FHL2: variants seen among roughly 807,000 people sequenced by gnomAD.
FHL2 encodes four and a half LIM domains 2.
In FHL2, 20 loss-of-function variants were observed where a neutral mutation model predicts 32.7. That is an observed-to-expected ratio of 0.61 (90% confidence interval 0.43 to 0.89). The LOEUF (loss-of-function observed/expected upper bound fraction) is 0.89, where lower values mean the gene tolerates loss of function less well. Ranked by LOEUF, FHL2 falls within the 40% of genes least tolerant of loss-of-function variation. The probability of loss-of-function intolerance (pLI) is 0.00; values close to 1 mark genes in which losing one functional copy is unlikely to be tolerated. For synonymous variants in FHL2, 123 were observed against 128.1 expected (o/e 0.96, Z 0.27); for missense variants, 311 against 358.6 (o/e 0.87, Z 1.07).
chr2:105,405,567 A>G (rs530511564), intron 1 of FHL2, among the ~76,000 whole-genome samples: 1 of 152,348 alleles, frequency 6.6e-6, no homozygotes, highest in Admixed American at 6.5e-5. Flanking sequence ...GTGAGCCACC[A>G]TGGCTGGCAA....
At chr2:105,368,679 G>C (rs768857274) in intron 4 of FHL2, among the ~76,000 whole-genome samples, 3 of 152,216 alleles carry the variant, frequency 2.0e-5, no homozygotes, top group Non-Finnish European at 4.4e-5. Flanking sequence ...CTCACTGCAA[G>C]TGCTCGGTGT....
chr2:105,432,081 TAGA>T (rs1205706748), intron 1 of FHL2, among the ~76,000 whole-genome samples: 1 of 152,226 alleles, frequency 6.6e-6, no homozygotes, highest in East Asian at 1.9e-4. Flanking sequence ...CTGTCTTAAT[TAGA>T]AGGTCCTCAT....
upstream of FHL2, chr2:105,399,204 G>T: frequency 6.8e-7 from 1 of 1,464,334 alleles, no homozygotes; most frequent in Non-Finnish European, 8.9e-7. Context: ...CCCGGGCTGC[G>T]GCGGTCCCGG....
At chr2:105,438,301 C>G in intron 1 of FHL2, 1 of 933,680 alleles carries the variant, frequency 1.1e-6, no homozygotes, top group South Asian at 4.9e-5. Context: ...TGGACACTCC[C>G]TCTGCATGCA....
At position 105,367,584 on chromosome 2, in the gene FHL2, C is replaced by T. The variant is rs753660280; in HGVS notation, c.487G>A (p.Val163Ile). ...ATCTGAGATACCTTTTTGCACTGAA[C>T]GCACTGCATGGCATGTTGTTTCTCA... ...CYEKQHAMQC[V>I]QCKKPITTGG... The change falls in exon 5 of 7, where the codon GTT becomes ATT. Residue 163 changes from valine (V) to isoleucine (I), a missense_variant. Val to Ile is a conservative substitution (Grantham distance 29). Transcript: ENST00000530340. 46 of 1,613,092 alleles carry T rather than the reference C, an allele frequency of 2.9e-5. No homozygotes were observed. The highest frequency in any genetic ancestry group is 3.3e-4 in the Middle Eastern group (2 of 6,070).
chr2:105,382,946 C>T (rs138588748), intron 3 of FHL2, among the ~76,000 whole-genome samples: 3 of 152,244 alleles, frequency 2.0e-5, no homozygotes, highest in East Asian at 3.9e-4. Context: ...AGTACAGTGG[C>T]GCAATCTTGG....
intron 2 of FHL2, among the ~76,000 whole-genome samples, chr2:105,389,023 C>A (rs1682529499): frequency 6.6e-6 from 1 of 152,218 alleles, no homozygotes; most frequent in Non-Finnish European, 1.5e-5. Flanking sequence ...ATTGCGTATA[C>A]ACGATCCTGA....
At chr2:105,398,778 C>A in intron 1 of FHL2, 64 bp downstream of exon 1, 2 of 1,307,552 alleles carry the variant, frequency 1.5e-6, no homozygotes, top group Non-Finnish European at 2.0e-6. Context: ...CGGCTTCTCC[C>A]CGCACGGTTC....
At chr2:105,395,513 C>T (rs1164646700) in intron 2 of FHL2, among the ~76,000 whole-genome samples, 1 of 152,192 alleles carries the variant, frequency 6.6e-6, no homozygotes, top group Non-Finnish European at 1.5e-5. Context: ...CAGCAGCTTC[C>T]ATGAATGACT....
rs1167853547 is a variant in FHL2 at position 105,389,514 on chromosome 2, A to G, written c.-24-2974T>C. Among the ~76,000 whole-genome samples the G allele has an allele frequency of 3.9e-5, 6 of 152,362 alleles. No individual in the cohort carries two copies. The East Asian group carries it at 7.7e-4, about 20-fold the overall frequency. On this transcript the variant is annotated intron_variant, in intron 2 of 6. Transcript: ENST00000530340. The stretch of plus-strand genomic sequence containing the variant: ...GAATAATAATTTGGGAATTTGAAAT[A>G]AGAACGATGAAAGGACAGAGAACTA...
intron 1 of FHL2, among the ~76,000 whole-genome samples, chr2:105,435,229 A>G (rs1488163536): frequency 1.3e-5 from 2 of 152,200 alleles, no homozygotes; most frequent in Admixed American, 1.3e-4. Flanking sequence ...TTATTTAACC[A>G]TACTTCACTT....
intron 1 of FHL2, among the ~76,000 whole-genome samples, chr2:105,421,752 T>A (rs1480455223): frequency 6.6e-6 from 1 of 152,224 alleles, no homozygotes; most frequent in Admixed American, 6.5e-5. Flanking sequence ...CCCAGCCTCA[T>A]GACACTGATA....
chr2:105,373,993 C>CTAAAAA, intron 3 of FHL2: 1 of 501,778 alleles, frequency 2.0e-6, no homozygotes, highest in Non-Finnish European at 3.6e-6. Flanking sequence ...AGAGATGCTT[C>CTAAAAA]TAAAAAACAA....
chr2:105,419,944 T>G (rs144019741), intron 1 of FHL2, among the ~76,000 whole-genome samples: 9 of 152,298 alleles, frequency 5.9e-5, no homozygotes, highest in African/African-American at 1.9e-4. Flanking sequence ...TGCATTGTCA[T>G]TAAGGGAAAG....
chr2:105,399,515 T>A (rs1683382512), upstream of FHL2: 1 of 1,536,034 alleles, frequency 6.5e-7, no homozygotes, highest in Non-Finnish European at 8.7e-7. Context: ...TGCAGATGCT[T>A]CTTTACGAAA....
intron 3 of FHL2, 52 bp downstream of exon 3, chr2:105,386,309 C>A: frequency 6.3e-7 from 1 of 1,591,280 alleles, no homozygotes; most frequent in South Asian, 1.1e-5. Flanking sequence ...CACAGAGAAA[C>A]CCGTGTTTCC....
At chr2:105,426,598 C>G (rs1052176636) in intron 1 of FHL2, among the ~76,000 whole-genome samples, 2 of 152,330 alleles carry the variant, frequency 1.3e-5, no homozygotes, top group Non-Finnish European at 2.9e-5. Context: ...ACTCCTGCAC[C>G]TACCTTCTGC....
In FHL2 at chr2:105,394,378, G is replaced by T. The variant is rs530659643; in HGVS notation, c.-25+2269C>A. 8.6e-5 allele frequency among the ~76,000 whole-genome samples: 13 copies of T among 151,788 alleles called. 1 individual carries two copies. In the East Asian group the frequency reaches 2.5e-3, roughly 29 times the overall value. The stretch of plus-strand genomic sequence containing the variant: ...AGTGCTGCCACTATACTCCAGCCTG[G>T]ACCACAGTGTAAGACCCGGTCTCTA... On this transcript the variant is annotated intron_variant, in intron 2 of 6. Coordinates refer to ENST00000530340, the MANE Select transcript of FHL2 (RefSeq NM_001318895.3).
intron 1 of FHL2, among the ~76,000 whole-genome samples, chr2:105,417,396 A>G (rs1304294887): frequency 1.4e-5 from 2 of 143,324 alleles, no homozygotes; most frequent in Non-Finnish European, 3.0e-5. Context: ...AGAAAAAAAA[A>G]ATGTGTTGCT....
Sources: gnomAD v4.1 joint callset for allele counts (sites outside exome capture counted in the v4.1 genomes callset) on GRCh38, gnomAD v4.1.1 for gene constraint, MANE v1.5 for transcripts, NCBI Gene and HGNC (gene_info 2026-07-23, HGNC 2026-07-21) for gene names.